KCNT1: variants seen among roughly 807,000 people sequenced by gnomAD.
KCNT1 encodes potassium sodium-activated channel subfamily T member 1.
A neutral mutation model predicts 147.8 loss-of-function variants in KCNT1; 78 were observed. The ratio of observed to expected loss-of-function variants is 0.53; its 90% CI spans 0.44 to 0.64. KCNT1 has a LOEUF of 0.64. Ranked by LOEUF, KCNT1 falls within the 30% of genes least tolerant of loss-of-function variation. The probability of loss-of-function intolerance (pLI) is 0.00; values close to 1 mark genes in which losing one functional copy is unlikely to be tolerated. For synonymous variants in KCNT1, 867 were observed against 748.8 expected, an observed-to-expected ratio of 1.16 and a Z score of -2.58; for missense variants, 1,419 against 1,750.3, an observed-to-expected ratio of 0.81 and a Z score of 3.38.
chr9:135,786,142 C>T (rs1355743242), intron 28 of KCNT1, 55 bp from the exon 29 acceptor site: 57 of 1,520,136 alleles, frequency 3.7e-5, no homozygotes, highest in East Asian at 2.3e-4. Flanking sequence ...CCAAAGCCCG[C>T]GACCCTCCCG....
chr9:135,702,457 G>GCAGAGC, intron 1 of KCNT1, 89 bp downstream of exon 1: 2 of 1,058,808 alleles, frequency 1.9e-6, no homozygotes, highest in Non-Finnish European at 2.8e-6. Flanking sequence ...CACCCTCCAG[G>GCAGAGC]ACCCGCCATT....
rs758402819 is a variant in KCNT1 at position 135,770,456 on chromosome 9, G to A, written c.1769+9G>A. 17 of 1,606,650 alleles carry A rather than the reference G, an allele frequency of 1.1e-5. No homozygotes were observed. Among genetic ancestry groups the A allele is most frequent in the Admixed American group, 8.4e-5 (5 of 59,460 alleles). On this transcript the variant is annotated intron_variant, in intron 17 of 30. Coordinates refer to ENST00000371757, the MANE Select transcript of KCNT1 (RefSeq NM_020822.3). ...TTCCACGCCCACAAGAAGTAAGGCC[G>A]GGCTGCATCCACAGGGCTGGCGCTC... is the stretch of plus-strand genomic sequence containing the variant.
At chr9:135,729,774 G>A (rs1021515995) in intron 2 of KCNT1, among the ~76,000 whole-genome samples, 2 of 152,120 alleles carry the variant, frequency 1.3e-5, no homozygotes, top group African/African-American at 4.8e-5. Flanking sequence ...TTACTTGATC[G>A]AGGCTTGAAA....
At chr9:135,776,862 C>T (rs955064574) in intron 20 of KCNT1, among the ~76,000 whole-genome samples, 2 of 152,236 alleles carry the variant, frequency 1.3e-5, no homozygotes, top group Non-Finnish European at 2.9e-5. Flanking sequence ...TGCTTTCCAA[C>T]CGGAGATGTT....
chr9:135,776,686 A>T (rs1223406097), intron 20 of KCNT1, among the ~76,000 whole-genome samples: 1 of 152,120 alleles, frequency 6.6e-6, no homozygotes, highest in Admixed American at 6.5e-5. Context: ...CTCCCAGCAT[A>T]TTCTGTGGGT....
At chr9:135,707,369 C>T (rs1432131770) in intron 1 of KCNT1, among the ~76,000 whole-genome samples, 1 of 152,080 alleles carries the variant, frequency 6.6e-6, no homozygotes, top group African/African-American at 2.4e-5. Flanking sequence ...CCCAAGGGTC[C>T]CCTGCCGGCT....
rs189990048 is a variant in KCNT1 at position 135,788,016 on chromosome 9, C to T, written c.3502+1495C>T. The stretch of plus-strand genomic sequence containing the variant: ...CCGTGCAGCTGCCCCTGCACCCGCC[C>T]ACTGTGCCGGCCGCCCGCACCTCGC... On this transcript the variant is annotated intron_variant, in intron 29 of 30. Coordinates refer to ENST00000371757, the MANE Select transcript of KCNT1 (RefSeq NM_020822.3). 1,064 of 1,039,300 alleles carry T rather than the reference C, an allele frequency of 1.0e-3. 13 individuals are homozygous for T. The highest frequency in any genetic ancestry group is 9.1e-3 in the South Asian group (724 of 79,280). The allele number at this position is 1,039,300 out of a possible 1,614,324, so 64.4% of individuals were successfully genotyped here.
Position 135,770,873 on chromosome 9 carries a change from A to T in KCNT1, c.1786A>T (p.Ile596Phe), listed in dbSNP as rs1832706625. The T allele has an allele frequency of 6.3e-7, 1 of 1,577,226 alleles. No individual in the cohort carries two copies. The highest frequency in any genetic ancestry group is 8.6e-7 in the Non-Finnish European group (1 of 1,160,402). ...TCTGCCCAGGTATGGCGTGTGCCTC[A>T]TCGGGCTGAAGCGGGAGGACAACAA... ...HAHKKYGVCL[I>F]GLKREDNKSI... Residue 596 changes from isoleucine to phenylalanine, a missense_variant, in exon 18 of 31, where the codon ATC becomes TTC. By Grantham distance (21) the Ile-to-Phe change is conservative (BLOSUM62 0). Coordinates refer to ENST00000371757, the MANE Select transcript of KCNT1 (RefSeq NM_020822.3).
intron 12 of KCNT1, 21 bp from the exon 13 acceptor site, chr9:135,765,603 G>T: frequency 6.2e-7 from 1 of 1,600,210 alleles, no homozygotes; most frequent in South Asian, 1.1e-5. Flanking sequence ...CAGAGGGTCT[G>T]ACCCTCCGCC....
Position 135,761,446 on chromosome 9 carries a change from G to T in KCNT1, c.1035+1587G>T, listed in dbSNP as rs557747808. On this transcript the variant is annotated intron_variant, in intron 11 of 30. Coordinates refer to ENST00000371757, the MANE Select transcript of KCNT1 (RefSeq NM_020822.3). ...GGGAGTGAGGCCAGGAGCACAGTGT[G>T]GGGGGCACTCCGTGCAGTGACACTG... Among the ~76,000 whole-genome samples the T allele has an allele frequency of 3.3e-4, 50 of 152,244 alleles. No individual in the cohort carries two copies. In the South Asian group the frequency reaches 6.4e-3, roughly 20 times the overall value.
intron 29 of KCNT1, chr9:135,791,587 C>T (rs538073625): frequency 3.6e-6 from 2 of 559,612 alleles, no homozygotes; most frequent in African/African-American, 3.8e-5. Flanking sequence ...AGCTGCCCTC[C>T]TGGCTGTCCC....
intron 27 of KCNT1, 78 bp from the exon 28 acceptor site, chr9:135,785,232 G>T: frequency 6.3e-7 from 1 of 1,589,344 alleles, no homozygotes; most frequent in Middle Eastern, 1.7e-4. Context: ...AGCATGTTCC[G>T]TGCAGACCCC....
intron 24 of KCNT1, among the ~76,000 whole-genome samples, chr9:135,781,554 G>A (rs1833609521): frequency 6.6e-6 from 1 of 151,748 alleles, no homozygotes; most frequent in Non-Finnish European, 1.5e-5. Flanking sequence ...GGCAGCTTCA[G>A]ATCCTTATTT....
rs1833424904 is a variant in KCNT1, at chr9:135,779,271, A to T, written c.2730-88A>T. 6.7e-6 allele frequency: 3 copies of T among 445,788 alleles called. No individual in the cohort carries two copies. In the Admixed American group the frequency reaches 7.7e-5, roughly 11 times the overall value. The allele number at this position is 445,788 out of a possible 1,614,324, so 27.6% of individuals were successfully genotyped here. A position where few individuals can be genotyped will look rare whatever the true frequency, so the allele number is the denominator to read the frequency against. ...CACAGCCATGGGACCCCGCCCTGAGACCCCCACAGCCACATGATCATGGGC... is the reference window on the plus strand; with the variant it reads ...CACAGCCATGGGACCCCGCCCTGAGTCCCCCACAGCCACATGATCATGGGC... On this transcript the variant is annotated intron_variant, in intron 23 of 30. Coordinates refer to ENST00000371757, the MANE Select transcript of KCNT1 (RefSeq NM_020822.3).
chr9:135,783,143 C>T (rs1184754174), intron 24 of KCNT1, among the ~76,000 whole-genome samples: 2 of 152,214 alleles, frequency 1.3e-5, no homozygotes, highest in African/African-American at 2.4e-5. Flanking sequence ...CGGCCGGGTC[C>T]GGAGCCCGTG....
At chr9:135,713,957 C>T (rs1316119903) in intron 1 of KCNT1, among the ~76,000 whole-genome samples, 5 of 152,132 alleles carry the variant, frequency 3.3e-5, no homozygotes, top group Non-Finnish European at 5.9e-5. Flanking sequence ...CAGCTCAGGG[C>T]CCAGAGGGCC....
chr9:135,770,069 G>GC lies in KCNT1; in HGVS notation c.1619+18dup. The GC allele has an allele frequency of 1.9e-6, 3 of 1,544,740 alleles. No homozygotes were observed. The highest frequency in any genetic ancestry group is 2.6e-6 in the Non-Finnish European group (3 of 1,143,562). On this transcript the variant is annotated intron_variant, in intron 16 of 30. Coordinates refer to ENST00000371757, the MANE Select transcript of KCNT1 (RefSeq NM_020822.3). ...GTCCCGCGGCCAGTGAGTGCCCCGT[G>GC]CCCCGGGGGACCGACCTCCATGGCG...
intron 11 of KCNT1, among the ~76,000 whole-genome samples, chr9:135,761,115 G>A (rs575042618): frequency 7.2e-5 from 11 of 151,998 alleles, no homozygotes; most frequent in South Asian, 4.2e-4. Flanking sequence ...CGATCCTCCC[G>A]CCTCAGCCCC....
chr9:135,703,797 G>T (rs1194287110), intron 1 of KCNT1, among the ~76,000 whole-genome samples: 1 of 152,194 alleles, frequency 6.6e-6, no homozygotes, highest in Non-Finnish European at 1.5e-5. Flanking sequence ...TGTCCTCAGG[G>T]TCCAGCCTTT....
Sources: gnomAD v4.1 joint callset for allele counts (sites outside exome capture counted in the v4.1 genomes callset) on GRCh38, gnomAD v4.1.1 for gene constraint, MANE v1.5 for transcripts, NCBI Gene and HGNC (gene_info 2026-07-23, HGNC 2026-07-21) for gene names.